Variants in SLC27A1 observed in about 807,000 individuals in gnomAD.
The protein encoded by SLC27A1 is long-chain fatty acid transport protein 1.
SLC27A1 carries 61 observed loss-of-function variants against 62.2 expected under a neutral mutation model. That is an observed-to-expected ratio of 0.98 (90% CI 0.80 to 1.21). The LOEUF (loss-of-function observed/expected upper bound fraction) is 1.21, where lower values mean the gene tolerates loss of function less well. SLC27A1 is among the 50% of genes most tolerant of loss of function. The probability of loss-of-function intolerance (pLI) is 0.00; values close to 1 mark genes in which losing one functional copy is unlikely to be tolerated. For missense variants in SLC27A1, 903 were observed against 932.1 expected (o/e 0.97, Z 0.41); for synonymous variants, 435 against 408.6 (o/e 1.06, Z -0.78).
chr19:17,484,669 AGATGGAATGAAT>A (rs890000892), intron 1 of SLC27A1, among the ~76,000 whole-genome samples: 5 of 151,656 alleles, frequency 3.3e-5, no homozygotes, highest in African/African-American at 7.3e-5. Context: ...GAGTGAATGA[AGATGGAATGAAT>A]GATGGAATGA....
At chr19:17,478,217 A>G (rs2075143088) in intron 1 of SLC27A1, among the ~76,000 whole-genome samples, 2 of 152,150 alleles carry the variant, frequency 1.3e-5, no homozygotes, top group East Asian at 1.9e-4. Context: ...CTGTAATCCC[A>G]GCACTTTGGG....
chr19:17,470,164 C>A (rs556630434), upstream of SLC27A1, among the ~76,000 whole-genome samples: 75 of 151,912 alleles, frequency 4.9e-4, no homozygotes, highest in African/African-American at 1.6e-3. Context: ...GGTGGACATG[C>A]TGGCTCTGGG....
At chr19:17,502,176 C>T (rs2075421887) in intron 11 of SLC27A1, among the ~76,000 whole-genome samples, 1 of 151,858 alleles carries the variant, frequency 6.6e-6, no homozygotes, top group Non-Finnish European at 1.5e-5. Context: ...ATATCCAAAC[C>T]ATTTACTCAT....
intron 6 of SLC27A1, chr19:17,489,716 G>C (rs1434758189): frequency 1.3e-5 from 2 of 152,900 alleles, no homozygotes; most frequent in Non-Finnish European, 2.9e-5. Context: ...GGAGGTGGAG[G>C]CATCTGCTGT....
At chr19:17,470,318 G>C (rs1568406848), upstream of SLC27A1, 1 of 519,912 alleles carries the variant, frequency 1.9e-6, no homozygotes, top group Non-Finnish European at 3.2e-6. Context: ...TTAGCGGGCG[G>C]GTGTAAAAGC....
Position 17,500,794 on chromosome 19 carries a change from C to G in SLC27A1, c.1554C>G (p.Asn518Lys). The part of the protein sequence containing the change: ...SGDTFRWRGE[N>K]VSTTEVEGVL... ...ACACCTTCCGCTGGCGAGGGGAGAA[C>G]GTCTCCACCACCGAGGTGGAGGGCG... The change falls in exon 10 of 12, where the codon AAC becomes AAG. Residue 518 changes from asparagine to lysine, a missense_variant. Asn to Lys is a moderately conservative substitution (Grantham distance 94, BLOSUM62 0). Coordinates refer to ENST00000252595, the MANE Select transcript of SLC27A1 (RefSeq NM_198580.3). 6.2e-7 allele frequency: 1 copy of G among 1,612,580 alleles called. No homozygotes were observed.
intron 1 of SLC27A1, among the ~76,000 whole-genome samples, chr19:17,478,405 T>C (rs944164311): frequency 5.8e-5 from 8 of 138,578 alleles, no homozygotes; most frequent in Middle Eastern, 4.2e-3. Context: ...AGGCGGAGTC[T>C]GCAGTGAGCC....
At chr19:17,490,640 A>G (rs1186622061) in intron 6 of SLC27A1, among the ~76,000 whole-genome samples, 2 of 152,088 alleles carry the variant, frequency 1.3e-5, no homozygotes, top group African/African-American at 2.4e-5. Flanking sequence ...AGACGGCATC[A>G]TGTTTCCTGT....
At chr19:17,502,759 C>T (rs1461383886) in intron 11 of SLC27A1, among the ~76,000 whole-genome samples, 1 of 151,440 alleles carries the variant, frequency 6.6e-6, no homozygotes, top group Non-Finnish European at 1.5e-5. Flanking sequence ...TATCATAGCT[C>T]ACTGCAGCCT....
At chr19:17,473,586 G>A (rs930654598) in intron 1 of SLC27A1, among the ~76,000 whole-genome samples, 3 of 152,156 alleles carry the variant, frequency 2.0e-5, no homozygotes, top group African/African-American at 7.2e-5. Context: ...ACTCGGCTGG[G>A]CGCGGTGGCT....
chr19:17,504,898 TTC>T lies in SLC27A1; in HGVS notation c.*288_*289del. On this transcript the variant is annotated 3_prime_UTR_variant, in exon 12 of 12. Transcript: ENST00000252595. Reference sequence around the variant, plus strand: ...CCCTCTTTTTCTTTTCTTTCTTTCTTTCTTTTTTTTTTAAGATAGAGTCTCAC... The same window carrying T: ...CCCTCTTTTTCTTTTCTTTCTTTCTTTTTTTTTTTTAAGATAGAGTCTCAC... The T allele has an allele frequency of 1.7e-6, 1 of 587,268 alleles. No homozygotes were observed. 36.4% of individuals were successfully genotyped at this position (587,268 alleles called of 1,614,324 possible).
chr19:17,480,022 T>C (rs2144557112), intron 1 of SLC27A1, among the ~76,000 whole-genome samples: 1 of 152,180 alleles, frequency 6.6e-6, no homozygotes, highest in African/African-American at 2.4e-5. Flanking sequence ...TTTTTTATCT[T>C]TCGATACAAA....
Position 17,470,544 on chromosome 19 carries a change from C to T in SLC27A1, c.4C>T (p.Arg2Trp), listed in dbSNP as rs1168658571. The change falls in exon 1 of 12, where the codon CGG becomes TGG. Residue 2 changes from arginine to tryptophan, a missense_variant. Arg to Trp is a moderately radical substitution (Grantham distance 101). Coordinates refer to ENST00000252595, the MANE Select transcript of SLC27A1 (RefSeq NM_198580.3). ...CAGCTCTCTCTGCTTCCCCAGGATG[C>T]GGGCTCCGGGTGCGGGCGCGGCCTC... MRAPGAGAASVV... is the reference protein window; with the variant it reads MWAPGAGAASVV... 1.9e-6 allele frequency: 3 copies of T among 1,551,616 alleles called. No homozygotes were observed. Among genetic ancestry groups the T allele is most frequent in the Non-Finnish European group, 2.6e-6 (3 of 1,158,474 alleles).
upstream of SLC27A1, among the ~76,000 whole-genome samples, chr19:17,469,908 G>T (rs1016030444): frequency 2.0e-5 from 3 of 147,288 alleles, 1 homozygote; most frequent in Non-Finnish European, 4.5e-5. Flanking sequence ...ATTGCGGGGG[G>T]GTGGGGAGGC....
intron 10 of SLC27A1, 39 bp from the exon 11 acceptor site, chr19:17,501,234 T>G (rs749676475): frequency 6.2e-7 from 1 of 1,604,628 alleles, no homozygotes. Context: ...GTGGGGAGGA[T>G]GAGAGGCGGG....
chr19:17,475,714 A>G (rs879512139), intron 1 of SLC27A1, among the ~76,000 whole-genome samples: 2 of 152,148 alleles, frequency 1.3e-5, no homozygotes, highest in Non-Finnish European at 2.9e-5. Context: ...TTGGCTTCAG[A>G]AAATATTTCA....
chr19:17,501,049 CAGTTTTGTCAT>C (rs1305737519), intron 10 of SLC27A1, among the ~76,000 whole-genome samples, 173 bp downstream of exon 10: 2 of 152,202 alleles, frequency 1.3e-5, no homozygotes, highest in African/African-American at 4.8e-5. Flanking sequence ...TGTTGAGCCT[CAGTTTTGTCAT>C]CCAGAAAATG....
chr19:17,501,691 T>C (rs1049982468), intron 11 of SLC27A1, among the ~76,000 whole-genome samples: 1 of 150,410 alleles, frequency 6.6e-6, no homozygotes, highest in African/African-American at 2.4e-5. Context: ...TAGTCCCAGC[T>C]ACTTGGGAGG....
rs1221324202 is a variant in SLC27A1, at chr19:17,477,240, C to CTTTTTTTTTTTTTTTTTTTTTT, written c.167+6536_167+6557dup. ...TTATTGGTTGAATGGATGAGCAGCG[C>CTTTTTTTTTTTTTTTTTTTTTT]TTTTTTTTTTTTTTTTTTTTTTTTG... On this transcript the variant is annotated intron_variant, in intron 1 of 11. Coordinates refer to ENST00000252595, the MANE Select transcript of SLC27A1 (RefSeq NM_198580.3). Among the ~76,000 whole-genome samples the CTTTTTTTTTTTTTTTTTTTTTT allele has an allele frequency of 1.4e-4, 6 of 43,808 alleles. 1 individual carries two copies. The highest frequency in any genetic ancestry group is 2.0e-4 in the Non-Finnish European group (5 of 24,866). The allele number at this position is 43,808 out of a possible 152,430, so 28.7% of individuals were successfully genotyped here. A position where few individuals can be genotyped will look rare whatever the true frequency, so the allele number is the denominator to read the frequency against.
Sources: allele counts gnomAD v4.1 joint callset (sites outside exome capture counted in the v4.1 genomes callset), GRCh38; gene constraint gnomAD v4.1.1; transcripts MANE v1.5; gene names NCBI Gene and HGNC (gene_info 2026-07-23, HGNC 2026-07-21).